The following ZFPM1 variants were observed in gnomAD, a reference collection of about 807,000 sequenced individuals.
ZFPM1 encodes zinc finger protein ZFPM1.
ZFPM1 carries 28 observed loss-of-function variants against 46.3 expected under a neutral mutation model. The observed-to-expected ratio is 0.60, with a 90% CI of 0.45 to 0.83. ZFPM1 has a LOEUF of 0.83. Ranked by LOEUF, ZFPM1 falls within the 40% of genes least tolerant of loss-of-function variation. The probability of loss-of-function intolerance (pLI) is 0.00; values close to 1 mark genes in which losing one functional copy is unlikely to be tolerated. For synonymous variants in ZFPM1, 957 were observed against 675.9 expected, an observed-to-expected ratio of 1.42 and a Z score of -6.45; for missense variants, 1,878 against 1,432.4, an observed-to-expected ratio of 1.31 and a Z score of -5.02.
rs184609715 is a variant in ZFPM1, at chr16:88,466,954, C to T, written c.40+13276C>T. Among the ~76,000 whole-genome samples, 186 of 152,172 alleles carry T rather than the reference C, an allele frequency of 1.2e-3. 1 individual carries two copies. Among genetic ancestry groups the T allele is most frequent in the Admixed American group, 9.7e-3 (148 of 15,288 alleles). On this transcript the variant is annotated intron_variant, in intron 1 of 9. Transcript: ENST00000319555. Reference sequence around the variant, plus strand: ...CCCTTGTGCGGCAGGGCTCAGTGAACCCCAAAACGGCGGTGGTATTAATGG... The same window carrying T: ...CCCTTGTGCGGCAGGGCTCAGTGAATCCCAAAACGGCGGTGGTATTAATGG...
At chr16:88,465,150 C>T (rs1044931300) in intron 1 of ZFPM1, among the ~76,000 whole-genome samples, 1 of 152,264 alleles carries the variant, frequency 6.6e-6, no homozygotes, top group Non-Finnish European at 1.5e-5. Context: ...CGGCCTACAC[C>T]GCAGCGGCCT....
intron 4 of ZFPM1, among the ~76,000 whole-genome samples, chr16:88,515,898 T>G (rs1385317476): frequency 6.6e-6 from 1 of 152,118 alleles, no homozygotes; most frequent in African/African-American, 2.4e-5. Context: ...CAGGCATTTA[T>G]GGTTGCCAGG....
In ZFPM1 at chr16:88,469,046, G is replaced by C. The variant is rs1597231962; in HGVS notation, c.40+15368G>C. On this transcript the variant is annotated intron_variant, in intron 1 of 9. Transcript: ENST00000319555. The surrounding 1 kb of genome is among the most constrained non-coding windows in gnomAD (Gnocchi z 4.3). Reference sequence around the variant, plus strand: ...TGGGGACCAGGACCCAGGAGTTCCCGAGAGGAGTGCAGCCAGCAGCCACTC... The same window carrying C: ...TGGGGACCAGGACCCAGGAGTTCCCCAGAGGAGTGCAGCCAGCAGCCACTC... The C allele has an allele frequency of 6.5e-6, 1 of 154,188 alleles. No homozygotes were observed. The highest frequency in any genetic ancestry group is 6.5e-5 in the Admixed American group (1 of 15,278). 9.6% of individuals were successfully genotyped at this position (154,188 alleles called of 1,614,324 possible).
intron 1 of ZFPM1, among the ~76,000 whole-genome samples, chr16:88,454,506 C>T (rs1003675833): frequency 6.6e-6 from 1 of 152,216 alleles, no homozygotes; most frequent in Non-Finnish European, 1.5e-5. Flanking sequence ...TCCCAGGACG[C>T]AGCCCCGGGC....
At chr16:88,513,794 C>T (rs1911114776) in intron 3 of ZFPM1, among the ~76,000 whole-genome samples, 2 of 152,294 alleles carry the variant, frequency 1.3e-5, no homozygotes, top group African/African-American at 4.8e-5. Flanking sequence ...CCTCCTGCCA[C>T]TCTCAGCTTC....
intron 1 of ZFPM1, among the ~76,000 whole-genome samples, chr16:88,462,668 C>A (rs1907952178): frequency 6.6e-6 from 1 of 152,182 alleles, no homozygotes; most frequent in Non-Finnish European, 1.5e-5. Flanking sequence ...TGGTTGGAAT[C>A]CTGGAGTGGA....
At chr16:88,529,567 G>A (rs1284936698) in intron 6 of ZFPM1, among the ~76,000 whole-genome samples, 1 of 152,200 alleles carries the variant, frequency 6.6e-6, no homozygotes, top group East Asian at 1.9e-4. Context: ...GTCCACTGAG[G>A]GACAAGGATG....
chr16:88,464,067 G>A (rs921994883), intron 1 of ZFPM1, among the ~76,000 whole-genome samples: 15 of 152,226 alleles, frequency 9.9e-5, no homozygotes, highest in African/African-American at 3.4e-4. Context: ...GTGGTCCATC[G>A]GTCAATCCTT....
In ZFPM1 at chr16:88,480,591, A is replaced by G. The variant is rs949124571; in HGVS notation, c.41-5348A>G. 3.4e-4 allele frequency among the ~76,000 whole-genome samples: 52 copies of G among 152,360 alleles called. No individual in the cohort carries two copies. The highest frequency in any genetic ancestry group is 1.2e-3 in the African/African-American group (49 of 41,588). ...GAGAGAACTCCCAAGAGAGGCCAGC[A>G]TAGGCGCCTGTGTCCCCTGCAGGCA... On this transcript the variant is annotated intron_variant, in intron 1 of 9. Coordinates refer to ENST00000319555, the MANE Select transcript of ZFPM1 (RefSeq NM_153813.3). This position sits in a 1 kb window ranked among gnomAD's most constrained non-coding sequence, Gnocchi z 4.9.
chr16:88,473,720 C>T (rs369713594), intron 1 of ZFPM1, among the ~76,000 whole-genome samples: 1 of 152,148 alleles, frequency 6.6e-6, no homozygotes, highest in Non-Finnish European at 1.5e-5. Flanking sequence ...TTCTCGGGGC[C>T]GTGCTGGGAC....
intron 4 of ZFPM1, among the ~76,000 whole-genome samples, chr16:88,517,695 T>C (rs2142440701): frequency 6.9e-6 from 1 of 143,910 alleles, no homozygotes; most frequent in South Asian, 2.3e-4. Context: ...GATAGATGTA[T>C]GGGTGGATGG....
At position 88,469,863 on chromosome 16, in the gene ZFPM1, G is replaced by A. The variant is rs1908333701; in HGVS notation, c.41-16076G>A. On this transcript the variant is annotated intron_variant, in intron 1 of 9. Transcript: ENST00000319555. The surrounding 1 kb of genome is among the most constrained non-coding windows in gnomAD (Gnocchi z 4.3). ...CCAGGGCCCCACCCCCTAACGTGGG[G>A]TGCAGTGCCTCTCACGTGGTGAGGG... Among the ~76,000 whole-genome samples the A allele has an allele frequency of 1.3e-5, 2 of 152,096 alleles. 1 individual carries two copies. The highest frequency in any genetic ancestry group is 4.1e-4 in the South Asian group (2 of 4,828).
At position 88,484,062 on chromosome 16, in the gene ZFPM1, G is replaced by A. The variant is rs571330904; in HGVS notation, c.41-1877G>A. Among the ~76,000 whole-genome samples the A allele has an allele frequency of 2.6e-5, 4 of 152,282 alleles. No homozygotes were observed. In the East Asian group the frequency reaches 5.8e-4, roughly 22 times the overall value. ...TCGGGCGTTAGCAGGCTCCACCTCCGACCAGCCCATCTCCCTCCCATCTTC... is the reference window on the plus strand; with the variant it reads ...TCGGGCGTTAGCAGGCTCCACCTCCAACCAGCCCATCTCCCTCCCATCTTC... On this transcript the variant is annotated intron_variant, in intron 1 of 9. Coordinates refer to ENST00000319555, the MANE Select transcript of ZFPM1 (RefSeq NM_153813.3).
chr16:88,529,787 TC>T (rs1239570719), intron 6 of ZFPM1, among the ~76,000 whole-genome samples: 2 of 152,158 alleles, frequency 1.3e-5, no homozygotes, highest in Non-Finnish European at 2.9e-5. Flanking sequence ...CCGAGGCCGC[TC>T]CAGGGAGGGT....
At chr16:88,494,443 C>T (rs999864929) in intron 3 of ZFPM1, among the ~76,000 whole-genome samples, 3 of 152,190 alleles carry the variant, frequency 2.0e-5, no homozygotes, top group African/African-American at 7.2e-5. Flanking sequence ...AAGCAGGACG[C>T]CCGGCCGGGG....
Position 88,485,997 on chromosome 16 carries a change from G to A in ZFPM1, c.99G>A (p.Met33Ile), listed in dbSNP as rs761328849. The A allele has an allele frequency of 8.7e-6, 14 of 1,612,814 alleles. No individual in the cohort carries two copies. The South Asian group carries it at 1.4e-4, about 16-fold the overall frequency. The change falls in exon 2 of 10, where the codon ATG becomes ATA. Residue 33 changes from methionine (M) to isoleucine (I), a missense_variant. Physicochemically the swap from Met to Ile is conservative, Grantham distance 10 (BLOSUM62 1). Transcript: ENST00000319555. ...TGCAGTTGGTGGGTGCCAGCCACAT[G>A]GAGCAAAAGGCCACGGCACCTGAAG... ...EEVQLVGASH[M>I]EQKATAPEAP...
chr16:88,475,751 G>A (rs901770248), intron 1 of ZFPM1, among the ~76,000 whole-genome samples: 19 of 152,338 alleles, frequency 1.2e-4, no homozygotes, highest in African/African-American at 4.1e-4. Flanking sequence ...GCCTACCACT[G>A]TTAGTTCCTC....
chr16:88,470,737 AGGGCCGGGTGGT>A (rs1908375564), intron 1 of ZFPM1, among the ~76,000 whole-genome samples: 1 of 17,462 alleles, frequency 5.7e-5, no homozygotes, highest in African/African-American at 2.1e-4. Flanking sequence ...CACGGTGTGG[AGGGCCGGGTGGT>A]GACGCTGAGT....
upstream of ZFPM1, chr16:88,453,209 C>A (rs1220092305): frequency 1.8e-4 from 22 of 123,036 alleles, no homozygotes; most frequent in African/African-American, 5.8e-4. Flanking sequence ...GGGGCGGGGC[C>A]GGAGCGCCGG....
Sources: gnomAD v4.1 joint callset for allele counts (sites outside exome capture counted in the v4.1 genomes callset) on GRCh38, gnomAD v4.1.1 for gene constraint, Gnocchi (gnomAD v3.1) non-coding constraint, MANE v1.5 for transcripts, NCBI Gene and HGNC (gene_info 2026-07-23, HGNC 2026-07-21) for gene names.